SLC38A7: variants seen among roughly 807,000 people sequenced by gnomAD.
SLC38A7 encodes the protein solute carrier family 38 member 7.
Under a neutral mutation model 50.1 loss-of-function variants are expected in SLC38A7, and 29 were observed. The observed-to-expected ratio is 0.58, with a 90% confidence interval of 0.43 to 0.79. SLC38A7 has a LOEUF of 0.79. Among genes scored for constraint, SLC38A7 ranks in the 30% least tolerant of loss-of-function variants. The pLI is 0.00. For missense variants in SLC38A7, 483 were observed against 610.6 expected (o/e 0.79, Z 2.20); for synonymous variants, 244 against 245.9 (o/e 0.99, Z 0.07).
intron 11 of SLC38A7, among the ~76,000 whole-genome samples, chr16:58,668,777 T>C (rs116576291): frequency 0.037 from 5,606 of 149,896 alleles, 364 homozygotes; most frequent in African/African-American, 0.13. Context: ...TTTCTTCTTC[T>C]TCTTTTTCTT....
chr16:58,675,493 C>T (rs1393993249), intron 8 of SLC38A7, among the ~76,000 whole-genome samples: 5 of 151,992 alleles, frequency 3.3e-5, no homozygotes, highest in South Asian at 2.1e-4. Context: ...CCAGCCTGGG[C>T]GACAGTTTCT....
chr16:58,683,573 C>T (rs182181957), intron 2 of SLC38A7: 5 of 152,312 alleles, frequency 3.3e-5, no homozygotes, highest in African/African-American at 7.2e-5. Flanking sequence ...CAGTGAGCAG[C>T]GAAGGCAGAG....
chr16:58,674,489 C>A (rs956855946), intron 8 of SLC38A7, among the ~76,000 whole-genome samples: 13 of 151,980 alleles, frequency 8.6e-5, no homozygotes, highest in African/African-American at 3.1e-4. Context: ...TGTTGCCCAG[C>A]CTGTCTTGAA....
At chr16:58,672,390 G>C in intron 8 of SLC38A7, 147 bp from the exon 9 acceptor site, 1 of 836,878 alleles carries the variant, frequency 1.2e-6, no homozygotes, top group Non-Finnish European at 1.8e-6. Context: ...ATGGGGCTCC[G>C]ATCAGATGCC....
In SLC38A7 at chr16:58,678,884, A is replaced by C; in HGVS notation, c.281T>G (p.Val94Gly). The C allele has an allele frequency of 6.2e-7, 1 of 1,613,090 alleles. No individual in the cohort carries two copies. Among genetic ancestry groups the C allele is most frequent in the Non-Finnish European group, 8.5e-7 (1 of 1,179,970 alleles). Residue 94 changes from valine (V) to glycine (G), a missense_variant, in exon 4 of 12, where the codon GTT (valine) becomes GGT (glycine). Physicochemically the swap from Val to Gly is moderately radical, Grantham distance 109. Coordinates refer to ENST00000219320, the MANE Select transcript of SLC38A7 (RefSeq NM_018231.3). The surrounding 1 kb of genome is among the most constrained non-coding windows in gnomAD (Gnocchi z 4.0). ...AGIALQMGML[V>G]FIISGLVILA... ...GATGACAAGGCCACTGATGATGAAA[A>C]CCAGCATACCCTGCAGGCAGAGGCA... is the stretch of plus-strand genomic sequence containing the variant.
chr16:58,678,507 A>G lies in SLC38A7; in HGVS notation c.470-33T>C. 1 of 1,544,234 alleles carries G rather than the reference A, an allele frequency of 6.5e-7. No homozygotes were observed. The highest frequency in any genetic ancestry group is 8.8e-7 in the Non-Finnish European group (1 of 1,142,728). The stretch of plus-strand genomic sequence containing the variant: ...GGGAGGAAGGAGGGAATGTCAAGCC[A>G]GGCCACCATGGGGTGTGGCCCTCCT... On this transcript the variant is annotated intron_variant, in intron 4 of 11. Transcript: ENST00000219320. The surrounding 1 kb of genome is among the most constrained non-coding windows in gnomAD (Gnocchi z 4.0).
Position 58,677,440 on chromosome 16 carries a change from G to T in SLC38A7, c.612-16C>A. 1 of 1,611,890 alleles carries T rather than the reference G, an allele frequency of 6.2e-7. No homozygotes were observed. The highest frequency in any genetic ancestry group is 8.5e-7 in the Non-Finnish European group (1 of 1,177,974). On this transcript the variant is annotated splice_polypyrimidine_tract_variant and intron_variant, in intron 5 of 11. Transcript: ENST00000219320. ...GCTCAGGAAGCTGCCGGGAAGGAGA[G>T]ACTAAGTGTCCTCATCCCCAGCTGC...
At chr16:58,676,549 G>GC (rs1226095334) in intron 6 of SLC38A7, among the ~76,000 whole-genome samples, 1 of 152,216 alleles carries the variant, frequency 6.6e-6, no homozygotes, top group South Asian at 2.1e-4. Flanking sequence ...GTTCAGAAAA[G>GC]CCCCCCTGGG....
chr16:58,677,592 C>G, intron 5 of SLC38A7, 168 bp from the exon 6 acceptor site: 1 of 615,168 alleles, frequency 1.6e-6, no homozygotes, highest in Non-Finnish European at 2.9e-6. Context: ...TCAGAGAAAC[C>G]TGCCACAGCT....
intron 11 of SLC38A7, among the ~76,000 whole-genome samples, chr16:58,667,888 G>A (rs887092045): frequency 3.3e-5 from 5 of 152,178 alleles, no homozygotes; most frequent in Non-Finnish European, 7.3e-5. Flanking sequence ...GGTGATTTCC[G>A]GCCGGGTGTG....
At position 58,671,171 on chromosome 16, in the gene SLC38A7, G is replaced by A. The variant is rs772371078; in HGVS notation, c.1105C>T (p.Arg369Trp). Reference protein sequence around the residue: ...VEEDVGRERRRRVLQTLVWFL... With the variant: ...VEEDVGRERRWRVLQTLVWFL... The stretch of plus-strand genomic sequence containing the variant: ...CAGACCAGCGTCTGCAGCACTCGCC[G>A]CCGCCGCTCCCGCCCCACGTCCTCC... Residue 369 changes from arginine to tryptophan, a missense_variant, in exon 10 of 12, where the codon CGG (arginine) becomes TGG (tryptophan). Arg to Trp is a moderately radical substitution (Grantham distance 101). Transcript: ENST00000219320. The A allele has an allele frequency of 2.5e-6, 4 of 1,613,838 alleles. No homozygotes were observed. Among genetic ancestry groups the A allele is most frequent in the South Asian group, 2.2e-5 (2 of 91,076 alleles).
intron 9 of SLC38A7, chr16:58,671,520 T>G (rs1190330378): frequency 5.5e-6 from 3 of 544,656 alleles, no homozygotes; most frequent in Non-Finnish European, 9.8e-6. Flanking sequence ...AAGGGGAGGG[T>G]GTCCATGTGA....
chr16:58,682,088 C>T (rs184673490), intron 2 of SLC38A7, among the ~76,000 whole-genome samples: 185 of 152,236 alleles, frequency 1.2e-3, no homozygotes, highest in African/African-American at 3.7e-3. Flanking sequence ...AATTAGGAGA[C>T]AGAGTTTGCA....
Position 58,667,432 on chromosome 16 carries a change from A to C in SLC38A7, c.1342T>G (p.Phe448Val), listed in dbSNP as rs1183470051. Residue 448 changes from phenylalanine (F) to valine (V), a missense_variant, in exon 12 of 12, where the codon TTC (phenylalanine) becomes GTC (valine). Coordinates refer to ENST00000219320, the MANE Select transcript of SLC38A7 (RefSeq NM_018231.3). Reference protein sequence around the residue: ...VLLVTLGAFIFGQTTANAIFV... With the variant: ...VLLVTLGAFIVGQTTANAIFV... ...ATGGCGTTGGCTGTGGTCTGGCCGAAGATGAAGGCTCCCAGGGTGACCAAG... is the reference window on the plus strand; with the variant it reads ...ATGGCGTTGGCTGTGGTCTGGCCGACGATGAAGGCTCCCAGGGTGACCAAG... 6 of 1,613,960 alleles carry C rather than the reference A, an allele frequency of 3.7e-6. No homozygotes were observed. The highest frequency in any genetic ancestry group is 5.1e-6 in the Non-Finnish European group (6 of 1,180,038).
intron 8 of SLC38A7, among the ~76,000 whole-genome samples, chr16:58,674,206 C>T (rs9924218): frequency 1.2e-4 from 19 of 152,048 alleles, no homozygotes; most frequent in African/African-American, 4.1e-4. Flanking sequence ...TGGCCTCAAG[C>T]GGTTCTCCCA....
Position 58,676,285 on chromosome 16 carries a change from G to A in SLC38A7, c.768+4C>T, listed in dbSNP as rs370045839. The A allele has an allele frequency of 2.5e-6, 4 of 1,614,162 alleles. No individual in the cohort carries two copies. The highest frequency in any genetic ancestry group is 3.4e-6 in the Non-Finnish European group (4 of 1,180,022). On this transcript the variant is annotated splice_donor_region_variant and intron_variant, in intron 7 of 11. Coordinates refer to ENST00000219320, the MANE Select transcript of SLC38A7 (RefSeq NM_018231.3). ...AGCAGGGACCTTGCAACTGGCACTGGCACCTGAAATCCGAAGCAGATGGTG... is the reference window on the plus strand; with the variant it reads ...AGCAGGGACCTTGCAACTGGCACTGACACCTGAAATCCGAAGCAGATGGTG...
Position 58,673,083 on chromosome 16 carries a change from A to ATTTTTTTT in SLC38A7, c.884-848_884-841dup, listed in dbSNP as rs34081609. ...GCTGGGATTACACCATGCCCGGCTA[A>ATTTTTTTT]TTTTTTTTTTTTTTTTTTTTTTTTT... On this transcript the variant is annotated intron_variant, in intron 8 of 11. Transcript: ENST00000219320. Among the ~76,000 whole-genome samples the ATTTTTTTT allele has an allele frequency of 2.3e-3, 138 of 60,394 alleles. 22 individuals are homozygous for ATTTTTTTT. Among genetic ancestry groups the ATTTTTTTT allele is most frequent in the African/African-American group, 0.012 (132 of 10,738 alleles). 39.6% of individuals were successfully genotyped at this position (60,394 alleles called of 152,430 possible). A position where few individuals can be genotyped will look rare whatever the true frequency, so the allele number is the denominator to read the frequency against.
chr16:58,672,067 G>A lies in SLC38A7; in HGVS notation c.1031+29C>T, dbSNP rs376210005. 2.8e-5 allele frequency: 43 copies of A among 1,541,274 alleles called. 1 individual carries two copies. The highest frequency in any genetic ancestry group is 3.6e-4 in the Middle Eastern group (2 of 5,624). On this transcript the variant is annotated intron_variant, in intron 9 of 11. Transcript: ENST00000219320. Reference sequence around the variant, plus strand: ...TTGGAAGCGCTCACAGGGGCTAGGAGGGGCCCTGGGGAGTGGAAGGGGGCT... The same window carrying A: ...TTGGAAGCGCTCACAGGGGCTAGGAAGGGCCCTGGGGAGTGGAAGGGGGCT...
chr16:58,667,443 C>G lies in SLC38A7; in HGVS notation c.1331G>C (p.Gly444Ala). ...VSYGVLLVTL[G>A]AFIFGQTTAN... ...TGTGGTCTGGCCGAAGATGAAGGCTCCCAGGGTGACCAAGAGGACTCCGTA... is the reference window on the plus strand; with the variant it reads ...TGTGGTCTGGCCGAAGATGAAGGCTGCCAGGGTGACCAAGAGGACTCCGTA... Residue 444 changes from glycine to alanine, a missense_variant, in exon 12 of 12, where the codon GGA becomes GCA. By Grantham distance (60) the Gly-to-Ala change is moderately conservative. Transcript: ENST00000219320. 6.2e-7 allele frequency: 1 copy of G among 1,613,826 alleles called. No homozygotes were observed. The highest frequency in any genetic ancestry group is 8.5e-7 in the Non-Finnish European group (1 of 1,179,942).
Sources: gnomAD v4.1 joint callset for allele counts (sites outside exome capture counted in the v4.1 genomes callset) on GRCh38, gnomAD v4.1.1 for gene constraint, Gnocchi (gnomAD v3.1) non-coding constraint, MANE v1.5 for transcripts, NCBI Gene and HGNC (gene_info 2026-07-23, HGNC 2026-07-21) for gene names.